TMBIM1: variants seen among roughly 807,000 people sequenced by gnomAD.
TMBIM1 encodes the protein protein lifeguard 3.
Under a neutral mutation model 45.1 loss-of-function variants are expected in TMBIM1, and 34 were observed. The observed-to-expected ratio is 0.75, with a 90% confidence interval of 0.57 to 1.00. The LOEUF is 1.00. Ranked by LOEUF, TMBIM1 falls within the 50% of genes least tolerant of loss-of-function variation. The pLI, the probability that TMBIM1 is intolerant of heterozygous loss-of-function variation, is 0.00. For missense variants in TMBIM1, 374 were observed against 402.4 expected (o/e 0.93, Z 0.60); for synonymous variants, 157 against 153.5 (o/e 1.02, Z -0.17).
intron 1 of TMBIM1, among the ~76,000 whole-genome samples, chr2:218,282,835 G>A (rs1358003097): frequency 6.6e-6 from 1 of 152,226 alleles, no homozygotes; most frequent in Non-Finnish European, 1.5e-5. Flanking sequence ...AGGGGCTGGG[G>A]GCAGGGAGGC....
intron 1 of TMBIM1, among the ~76,000 whole-genome samples, chr2:218,283,370 G>C (rs1274353267): frequency 6.6e-6 from 1 of 152,228 alleles, no homozygotes; most frequent in East Asian, 1.9e-4. Flanking sequence ...ATGTTATGCG[G>C]TGCTCTTATG....
At chr2:218,286,651 G>A (rs1692537521) in intron 1 of TMBIM1, 1 of 152,256 alleles carries the variant, frequency 6.6e-6, no homozygotes, top group African/African-American at 2.4e-5. Context: ...TCTCAGTGTG[G>A]TAATCCTGCT....
At chr2:218,278,978 C>T (rs1691562400) in intron 5 of TMBIM1, 60 bp downstream of exon 5, 2 of 1,601,300 alleles carry the variant, frequency 1.2e-6, no homozygotes, top group Non-Finnish European at 8.5e-7. Flanking sequence ...AGCTGGTCAC[C>T]TAGAAACAGA....
chr2:218,274,385 A>G lies in TMBIM1; in HGVS notation c.*1090T>C, dbSNP rs1461663310. 1 of 154,834 alleles carries G rather than the reference A, an allele frequency of 6.5e-6. No homozygotes were observed. Among genetic ancestry groups the G allele is most frequent in the African/African-American group, 2.4e-5 (1 of 41,466 alleles). 9.6% of individuals were successfully genotyped at this position (154,834 alleles called of 1,614,324 possible). A position where few individuals can be genotyped will look rare whatever the true frequency, so the allele number is the denominator to read the frequency against. On this transcript the variant is annotated 3_prime_UTR_variant, in exon 12 of 12. Transcript: ENST00000258412. ...GCTCAAGGCACTTAATATTACAAAG[A>G]AGGCAGTGGCTGGCTGGAGAGATGG...
intron 3 of TMBIM1, among the ~76,000 whole-genome samples, 190 bp downstream of exon 3, chr2:218,279,836 G>A (rs1691686598): frequency 7.6e-6 from 1 of 131,064 alleles, no homozygotes; most frequent in South Asian, 2.4e-4. Flanking sequence ...AAGAAGAGAG[G>A]TGCAAAAAGA....
chr2:218,278,082 T>C (rs1369570116), intron 6 of TMBIM1, 108 bp from the exon 7 acceptor site: 5 of 1,319,436 alleles, frequency 3.8e-6, no homozygotes, highest in Non-Finnish European at 5.3e-6. Context: ...GATTAAGCCT[T>C]GACTCCAAGG....
chr2:218,289,625 GAAA>G (rs10675061), intron 1 of TMBIM1, among the ~76,000 whole-genome samples: 1 of 87,768 alleles, frequency 1.1e-5, no homozygotes. Flanking sequence ...CTGGGCGACA[GAAA>G]AAAAAAAAAA....
chr2:218,276,965 C>T, intron 10 of TMBIM1, 39 bp downstream of exon 10: 1 of 1,559,078 alleles, frequency 6.4e-7, no homozygotes, highest in Non-Finnish European at 8.8e-7. Context: ...CTGCCCTGAG[C>T]ACTGGGTTCC....
At chr2:218,283,532 C>A (rs1167779865) in intron 1 of TMBIM1, among the ~76,000 whole-genome samples, 2 of 152,164 alleles carry the variant, frequency 1.3e-5, no homozygotes, top group Non-Finnish European at 1.5e-5. Context: ...GGGCCACCAC[C>A]TCTTCTAGAG....
chr2:218,277,570 C>G, intron 8 of TMBIM1, 63 bp downstream of exon 8: 1 of 1,612,350 alleles, frequency 6.2e-7, no homozygotes, highest in South Asian at 1.1e-5. Context: ...GCTGCCGGCC[C>G]AGGAACACCC....
In TMBIM1 at chr2:218,287,602, C is replaced by T. The variant is rs145132238; in HGVS notation, c.-41+4864G>A. Among the ~76,000 whole-genome samples the T allele has an allele frequency of 5.6e-3, 853 of 152,222 alleles. 7 individuals carry two copies. The highest frequency in any genetic ancestry group is 0.019 in the African/African-American group (790 of 41,546). ...TCCCACACCTGAAGTCCCAGCTACT[C>T]GGGAGGCTGAGGCAGGGGGATCGCT... On this transcript the variant is annotated intron_variant, in intron 1 of 11. Transcript: ENST00000258412.
chr2:218,278,396 C>T, intron 6 of TMBIM1, 119 bp downstream of exon 6: 1 of 1,050,402 alleles, frequency 9.5e-7, no homozygotes, highest in Non-Finnish European at 1.5e-6. Flanking sequence ...CGTCATCCTC[C>T]TCCTCATTTC....
At chr2:218,282,329 C>T in intron 1 of TMBIM1, 148 bp from the exon 2 acceptor site, 1 of 510,538 alleles carries the variant, frequency 2.0e-6, no homozygotes, top group Non-Finnish European at 3.4e-6. Flanking sequence ...GATTTGCTGT[C>T]CACAGGCCAC....
rs372844398 is a variant in TMBIM1, at chr2:218,282,424, T to C, written c.-40-243A>G. 6.6e-5 allele frequency among the ~76,000 whole-genome samples: 10 copies of C among 152,222 alleles called. No individual in the cohort carries two copies. The East Asian group carries it at 9.6e-4, about 15-fold the overall frequency. ...CTCTCACTGTGCAGCTCCCCAGCCA[T>C]AGGAAAGCAGGAGGAAGGATTCGCT... On this transcript the variant is annotated intron_variant, in intron 1 of 11. Transcript: ENST00000258412.
chr2:218,275,380 G>A lies in TMBIM1; in HGVS notation c.*95C>T. On this transcript the variant is annotated 3_prime_UTR_variant, in exon 12 of 12. Coordinates refer to ENST00000258412, the MANE Select transcript of TMBIM1 (RefSeq NM_022152.6). ...AACTGGGCATGTTACTCAAGGGGAA[G>A]GAAAGGGGCCTAAAGCCCAGACCAC... 1 of 1,475,162 alleles carries A rather than the reference G, an allele frequency of 6.8e-7. No individual in the cohort carries two copies. Among genetic ancestry groups the A allele is most frequent in the Non-Finnish European group, 9.0e-7 (1 of 1,110,254 alleles). 91.4% of individuals were successfully genotyped at this position (1,475,162 alleles called of 1,614,324 possible).
chr2:218,279,843 AAG>A (rs3055226), intron 3 of TMBIM1, among the ~76,000 whole-genome samples, 181 bp downstream of exon 3: 53,404 of 151,844 alleles, frequency 0.35, 9,814 homozygotes, highest in Middle Eastern at 0.5. Flanking sequence ...GAGGTGCAAA[AAG>A]AGAGGGAACC....
At chr2:218,286,830 C>A (rs1317726406) in intron 1 of TMBIM1, 1 of 145,358 alleles carries the variant, frequency 6.9e-6, no homozygotes, top group Non-Finnish European at 1.5e-5. Flanking sequence ...AGCCTGCCCT[C>A]CTCCCTGCCA....
At chr2:218,279,140 C>A in intron 4 of TMBIM1, 49 bp from the exon 5 acceptor site, 1 of 1,610,548 alleles carries the variant, frequency 6.2e-7, no homozygotes, top group Non-Finnish European at 8.5e-7. Flanking sequence ...CTTGTCTGCC[C>A]CACCCAGGCC....
In TMBIM1 at chr2:218,279,146, A is replaced by C; in HGVS notation, c.369-55T>G. The C allele has an allele frequency of 1.9e-6, 3 of 1,609,158 alleles. No individual in the cohort carries two copies. In the South Asian group the frequency reaches 3.3e-5, roughly 18 times the overall value. Reference sequence around the variant, plus strand: ...ACCCTGAGGCTTGTCTGCCCCACCCAGGCCAGCCAGGCAGCCCTGGCTTCA... The same window carrying C: ...ACCCTGAGGCTTGTCTGCCCCACCCCGGCCAGCCAGGCAGCCCTGGCTTCA... On this transcript the variant is annotated intron_variant, in intron 4 of 11. Coordinates refer to ENST00000258412, the MANE Select transcript of TMBIM1 (RefSeq NM_022152.6).
Sources: gnomAD v4.1 joint callset for allele counts (sites outside exome capture counted in the v4.1 genomes callset) on GRCh38, gnomAD v4.1.1 for gene constraint, MANE v1.5 for transcripts, NCBI Gene and HGNC (gene_info 2026-07-23, HGNC 2026-07-21) for gene names.